The following ZHX2 variants were observed in gnomAD, a reference collection of about 807,000 sequenced individuals.
ZHX2 encodes the protein zinc fingers and homeoboxes 2.
In ZHX2, 6 loss-of-function variants were observed where a neutral mutation model predicts 21.9. The observed-to-expected ratio is 0.27, with a 90% CI of 0.15 to 0.54. The LOEUF (loss-of-function observed/expected upper bound fraction) is 0.54. Ranked by LOEUF, ZHX2 falls within the 20% of genes least tolerant of loss-of-function variation. ZHX2 has a pLI of 0.95. For missense variants in ZHX2, 908 were observed against 1,090.7 expected (o/e 0.83, Z 2.36); for synonymous variants, 434 against 437.1 (o/e 0.99, Z 0.09).
chr8:122,970,402 G>A (rs569892082), intron 3 of ZHX2, among the ~76,000 whole-genome samples: 5 of 152,196 alleles, frequency 3.3e-5, no homozygotes, highest in African/African-American at 9.6e-5. Flanking sequence ...GGAGCGGATG[G>A]GGGGGTCAGC....
chr8:122,936,254 C>G (rs1812688795), intron 2 of ZHX2, among the ~76,000 whole-genome samples: 1 of 152,204 alleles, frequency 6.6e-6, no homozygotes, highest in South Asian at 2.1e-4. Context: ...ATGACGTGAT[C>G]AGATTCGTGT....
chr8:122,914,637 G>A (rs181884603), intron 2 of ZHX2, among the ~76,000 whole-genome samples: 26 of 152,214 alleles, frequency 1.7e-4, no homozygotes, highest in Admixed American at 6.5e-4. Context: ...ATTAAAACTC[G>A]CAACCAATTT....
chr8:122,849,548 TG>T (rs1296979297), intron 1 of ZHX2, among the ~76,000 whole-genome samples: 5 of 152,296 alleles, frequency 3.3e-5, no homozygotes, highest in Admixed American at 6.5e-5. Flanking sequence ...CGGGTGCTGC[TG>T]GCATTCCTTG....
intron 2 of ZHX2, among the ~76,000 whole-genome samples, chr8:122,948,875 T>A (rs1040994001): frequency 2.0e-5 from 3 of 152,172 alleles, no homozygotes; most frequent in Admixed American, 2.0e-4. Flanking sequence ...AAAATGTAGA[T>A]TAATATATTT....
At chr8:122,898,101 C>A (rs1820141561) in intron 2 of ZHX2, among the ~76,000 whole-genome samples, 1 of 152,198 alleles carries the variant, frequency 6.6e-6, no homozygotes, top group Non-Finnish European at 1.5e-5. Flanking sequence ...ACACATGTGA[C>A]AATCCTTGCC....
chr8:122,946,595 C>A (rs73335720), intron 2 of ZHX2, among the ~76,000 whole-genome samples: 1,870 of 152,116 alleles, frequency 0.012, 42 homozygotes, highest in African/African-American at 0.043. Flanking sequence ...TTAAATAATG[C>A]GGGATATGGG....
chr8:122,875,722 G>T (rs1186722564), intron 2 of ZHX2, among the ~76,000 whole-genome samples: 1 of 152,240 alleles, frequency 6.6e-6, no homozygotes, highest in Non-Finnish European at 1.5e-5. Context: ...AAGCTGCCTG[G>T]GGGTGCGGGT....
At chr8:122,879,416 A>G (rs1237717978) in intron 2 of ZHX2, among the ~76,000 whole-genome samples, 1 of 152,018 alleles carries the variant, frequency 6.6e-6, no homozygotes, top group Non-Finnish European at 1.5e-5. Flanking sequence ...CATGTTGGCC[A>G]GGATGGTCTC....
At chr8:122,826,882 T>C (rs1422986411) in intron 1 of ZHX2, among the ~76,000 whole-genome samples, 2 of 152,192 alleles carry the variant, frequency 1.3e-5, no homozygotes, top group African/African-American at 2.4e-5. Flanking sequence ...TTAATATAGG[T>C]TTGTTAATTT....
chr8:122,814,453 C>T (rs1817990454), intron 1 of ZHX2, among the ~76,000 whole-genome samples: 1 of 152,182 alleles, frequency 6.6e-6, no homozygotes, highest in East Asian at 1.9e-4. Flanking sequence ...GCAACTTTTG[C>T]TCACAGCCTA....
intron 1 of ZHX2, among the ~76,000 whole-genome samples, chr8:122,791,879 A>G (rs1402550957): frequency 1.3e-5 from 2 of 151,834 alleles, no homozygotes; most frequent in African/African-American, 2.4e-5. Flanking sequence ...AAAAAAAAAA[A>G]AAGATGATGT....
At chr8:122,941,994 G>T (rs1223117816) in intron 2 of ZHX2, among the ~76,000 whole-genome samples, 1 of 152,162 alleles carries the variant, frequency 6.6e-6, no homozygotes, top group Non-Finnish European at 1.5e-5. Flanking sequence ...AGAAAAATCA[G>T]AAAACTCAGG....
At chr8:122,949,489 TGG>T (rs1813057600) in intron 2 of ZHX2, among the ~76,000 whole-genome samples, 1 of 152,104 alleles carries the variant, frequency 6.6e-6, no homozygotes, top group Non-Finnish European at 1.5e-5. Flanking sequence ...ATATAAATAG[TGG>T]GCAAATCTTT....
intron 1 of ZHX2, among the ~76,000 whole-genome samples, chr8:122,838,705 G>A (rs575663209): frequency 5.9e-5 from 9 of 151,312 alleles, no homozygotes; most frequent in Admixed American, 2.0e-4. Context: ...AGCCTCCCGA[G>A]TAGCTGGGAC....
At chr8:122,862,504 G>T (rs1392346990) in intron 1 of ZHX2, among the ~76,000 whole-genome samples, 1 of 152,192 alleles carries the variant, frequency 6.6e-6, no homozygotes, top group Non-Finnish European at 1.5e-5. Flanking sequence ...CGTAGGGCTT[G>T]GTGGGGCCTG....
intron 2 of ZHX2, among the ~76,000 whole-genome samples, chr8:122,916,874 A>G (rs898630042): frequency 2.0e-5 from 3 of 151,470 alleles, no homozygotes; most frequent in African/African-American, 4.9e-5. Context: ...CCTGACCTCC[A>G]TCCACCCCAA....
chr8:122,856,285 G>T (rs2130756858), intron 1 of ZHX2, among the ~76,000 whole-genome samples: 1 of 152,282 alleles, frequency 6.6e-6, no homozygotes, highest in East Asian at 1.9e-4. Context: ...TCGGAGTGGA[G>T]TTTCCATACC....
chr8:122,858,527 C>T (rs76274959), intron 1 of ZHX2, among the ~76,000 whole-genome samples: 1,980 of 152,016 alleles, frequency 0.013, 17 homozygotes, highest in African/African-American at 0.024. Flanking sequence ...CCAGTAATTT[C>T]TGGCAAAAGG....
intron 2 of ZHX2, among the ~76,000 whole-genome samples, chr8:122,873,449 T>A (rs1819493274): frequency 6.6e-6 from 1 of 152,186 alleles, no homozygotes; most frequent in Non-Finnish European, 1.5e-5. Flanking sequence ...GCCCCTGAGC[T>A]GGTGCCTGTC....
Sources: allele counts gnomAD v4.1 joint callset (sites outside exome capture counted in the v4.1 genomes callset), GRCh38; gene constraint gnomAD v4.1.1; transcripts MANE v1.5; gene names NCBI Gene and HGNC (gene_info 2026-07-23, HGNC 2026-07-21).